Variants in PCDH15 observed in about 807,000 individuals in gnomAD.
The protein encoded by PCDH15 is protocadherin related 15, also known as protocadherin-15.
A neutral mutation model predicts 178.5 loss-of-function variants in PCDH15; 129 were observed. The ratio of observed to expected loss-of-function variants is 0.72; its 90% confidence interval spans 0.63 to 0.84. The LOEUF is 0.84. PCDH15 is among the 40% of genes least tolerant of loss of function. The probability of loss-of-function intolerance (pLI) is 0.00; values close to 1 mark genes in which losing one functional copy is unlikely to be tolerated. For synonymous variants in PCDH15, 800 were observed against 732.0 expected (o/e 1.09, Z -1.50); for missense variants, 2,230 against 2,099.9 (o/e 1.06, Z -1.21).
At chr10:54,389,192 G>T (rs1950249995) in intron 3 of PCDH15, among the ~76,000 whole-genome samples, 1 of 152,008 alleles carries the variant, frequency 6.6e-6, no homozygotes, top group Non-Finnish European at 1.5e-5. Flanking sequence ...GCTCTTCAAG[G>T]AAGCCAGATG....
At chr10:55,609,208 G>C (rs1463020370) in intron 2 of PCDH15, among the ~76,000 whole-genome samples, 1 of 151,882 alleles carries the variant, frequency 6.6e-6, no homozygotes, top group Non-Finnish European at 1.5e-5. Flanking sequence ...GATGAGAGAG[G>C]ATTTGCACTT....
Position 54,399,273 on chromosome 10 carries a change from T to C in PCDH15, c.158-20331A>G, listed in dbSNP as rs191862717. On this transcript the variant is annotated intron_variant, in intron 3 of 37. Coordinates refer to ENST00000644397, the MANE Select transcript of PCDH15 (RefSeq NM_001384140.1). ...GCCACTGAAGTTCAGTGTGTAACAT[T>C]TATATGATTAAATATAATATAAATA... Among the ~76,000 whole-genome samples the C allele has an allele frequency of 1.4e-3, 213 of 151,738 alleles. 1 individual carries two copies. Among genetic ancestry groups the C allele is most frequent in the African/African-American group, 5.0e-3 (206 of 41,470 alleles).
At chr10:53,936,734 T>G (rs1356898533) in intron 25 of PCDH15, among the ~76,000 whole-genome samples, 1 of 152,158 alleles carries the variant, frequency 6.6e-6, no homozygotes, top group East Asian at 1.9e-4. Flanking sequence ...TAACAAATTT[T>G]TGGTAAAGAA....
intron 3 of PCDH15, among the ~76,000 whole-genome samples, chr10:54,456,345 G>T (rs2076820366): frequency 6.6e-6 from 1 of 152,148 alleles, no homozygotes; most frequent in South Asian, 2.1e-4. Context: ...GTGAGACATG[G>T]AGTCAAAGGA....
At chr10:54,079,219 A>T in intron 17 of PCDH15, 112 bp downstream of exon 17, 1 of 1,022,922 alleles carries the variant, frequency 9.8e-7, no homozygotes, top group Non-Finnish European at 1.6e-6. Context: ...TAGTAATTAT[A>T]AGAAGTTGCT....
chr10:54,214,708 C>T (rs951928966), intron 9 of PCDH15, among the ~76,000 whole-genome samples: 8 of 152,230 alleles, frequency 5.3e-5, no homozygotes, highest in African/African-American at 1.7e-4. Context: ...TCCCCTGCCT[C>T]AGCCCCCAAA....
At chr10:55,573,167 C>T (rs190498497) in intron 2 of PCDH15, among the ~76,000 whole-genome samples, 1 of 152,152 alleles carries the variant, frequency 6.6e-6, no homozygotes, top group East Asian at 1.9e-4. Context: ...TCTAATATTA[C>T]TTCTTTGTAA....
At chr10:54,182,822 T>TA (rs1214547834) in intron 13 of PCDH15, among the ~76,000 whole-genome samples, 3 of 152,100 alleles carry the variant, frequency 2.0e-5, no homozygotes, top group Admixed American at 2.0e-4. Context: ...AGTATTTTAA[T>TA]AAAATATAAA....
chr10:53,903,510 C>G, intron 25 of PCDH15, 140 bp from the exon 26 acceptor site: 1 of 878,522 alleles, frequency 1.1e-6, no homozygotes, highest in South Asian at 1.5e-5. Flanking sequence ...ATGCCTAGCA[C>G]CCCCAAATTC....
At chr10:54,354,467 G>A (rs1482208688) in intron 5 of PCDH15, among the ~76,000 whole-genome samples, 1 of 152,096 alleles carries the variant, frequency 6.6e-6, no homozygotes, top group Non-Finnish European at 1.5e-5. Flanking sequence ...GAGAGAATGT[G>A]CCCATCCTAT....
intron 2 of PCDH15, among the ~76,000 whole-genome samples, chr10:55,342,597 A>G (rs1844634655): frequency 6.6e-6 from 1 of 152,090 alleles, no homozygotes; most frequent in African/African-American, 2.4e-5. Context: ...GATGTGAATC[A>G]TTGTGCCTGT....
rs1025087028 is a variant in PCDH15, at chr10:54,778,635, T to A, written c.-29+22290A>T. Reference sequence around the variant, plus strand: ...ATCATTGTGAAGTAACACTGCATTCTCCTTAAAATTGGGATGTATTCAGGC... The same window carrying A: ...ATCATTGTGAAGTAACACTGCATTCACCTTAAAATTGGGATGTATTCAGGC... On this transcript the variant is annotated intron_variant, in intron 1 of 37. Transcript: ENST00000644397. 2.6e-5 allele frequency among the ~76,000 whole-genome samples: 4 copies of A among 152,176 alleles called. 1 individual carries two copies. The highest frequency in any genetic ancestry group is 5.9e-5 in the Non-Finnish European group (4 of 68,026).
rs571707795 is a variant in PCDH15 at position 54,887,737 on chromosome 10, T to C, written c.-29+9713A>G. On this transcript the variant is annotated intron_variant, in intron 3 of 5. Transcript: ENST00000458638. ...TGCTATTAAAAACTGGTGGATTTCA[T>C]ATACAAGAATAAAAGGCTGACCTTT... 3.5e-5 allele frequency among the ~76,000 whole-genome samples: 4 copies of C among 114,678 alleles called. No homozygotes were observed. The South Asian group carries it at 1.2e-3, about 33-fold the overall frequency. 75.2% of individuals were successfully genotyped at this position (114,678 alleles called of 152,430 possible).
At chr10:54,799,083 A>C (rs1952359916) in intron 1 of PCDH15, among the ~76,000 whole-genome samples, 1 of 152,156 alleles carries the variant, frequency 6.6e-6, no homozygotes, top group Non-Finnish European at 1.5e-5. Flanking sequence ...AGGAATCATT[A>C]ATTCCTCAAC....
At chr10:53,862,361 A>G (rs1357323908) in intron 27 of PCDH15, among the ~76,000 whole-genome samples, 2 of 152,028 alleles carry the variant, frequency 1.3e-5, no homozygotes, top group African/African-American at 4.8e-5. Flanking sequence ...TTGTACTTTG[A>G]ATTGATTTTT....
At chr10:55,120,134 A>G (rs563140416) in intron 2 of PCDH15, among the ~76,000 whole-genome samples, 3 of 152,282 alleles carry the variant, frequency 2.0e-5, no homozygotes, top group African/African-American at 7.2e-5. Flanking sequence ...AACAGGGACA[A>G]GAGATTCCAC....
At chr10:54,804,164 G>A (rs1043433806), upstream of PCDH15, among the ~76,000 whole-genome samples, 1 of 151,756 alleles carries the variant, frequency 6.6e-6, no homozygotes, top group Non-Finnish European at 1.5e-5. Context: ...CTCAGCCTCC[G>A]GAGTAGCTGG....
chr10:53,887,499 T>C (rs2081179015), intron 26 of PCDH15, among the ~76,000 whole-genome samples: 1 of 152,228 alleles, frequency 6.6e-6, no homozygotes, highest in Non-Finnish European at 1.5e-5. Context: ...AAATGTAATA[T>C]ACATTTCTAA....
intron 1 of PCDH15, among the ~76,000 whole-genome samples, chr10:54,665,938 C>T (rs7920655): frequency 0.87 from 132,607 of 151,924 alleles, 58,521 homozygotes; most frequent in Middle Eastern, 0.93. Context: ...TGTAGAGCAG[C>T]GGATAAGAAT....
Sources: allele counts gnomAD v4.1 joint callset (sites outside exome capture counted in the v4.1 genomes callset), GRCh38; gene constraint gnomAD v4.1.1; transcripts MANE v1.5; gene names NCBI Gene and HGNC (gene_info 2026-07-23, HGNC 2026-07-21).